MTA3: variants seen among roughly 807,000 people sequenced by gnomAD.
MTA3 encodes the protein metastasis-associated protein MTA3.
Under a neutral mutation model 83.5 loss-of-function variants are expected in MTA3, and 34 were observed. The observed-to-expected ratio is 0.41, with a 90% CI of 0.31 to 0.54. The LOEUF is 0.54. Ranked by LOEUF, MTA3 falls within the 20% of genes least tolerant of loss-of-function variation. The probability of loss-of-function intolerance (pLI) is 0.33; values close to 1 mark genes in which losing one functional copy is unlikely to be tolerated. For synonymous variants in MTA3, 303 were observed against 252.7 expected (o/e 1.20, Z -1.89); for missense variants, 761 against 726.4 (o/e 1.05, Z -0.55).
intron 6 of MTA3, among the ~76,000 whole-genome samples, chr2:42,649,837 A>G (rs916469802): frequency 6.6e-6 from 1 of 152,210 alleles, no homozygotes; most frequent in African/African-American, 2.4e-5. Flanking sequence ...ATTTATTTGA[A>G]GCTGTAAAAA....
intron 3 of MTA3, among the ~76,000 whole-genome samples, chr2:42,595,673 T>C (rs1681707822): frequency 6.6e-6 from 1 of 152,174 alleles, no homozygotes; most frequent in African/African-American, 2.4e-5. Context: ...CCTTGTCCTC[T>C]ACCTTCCCAT....
intron 3 of MTA3, among the ~76,000 whole-genome samples, chr2:42,579,428 T>TA (rs1558453781): frequency 1.6e-5 from 1 of 62,642 alleles, no homozygotes; most frequent in Non-Finnish European, 3.2e-5. Context: ...TATATATATA[T>TA]ATTTTTTTTT....
intron 3 of MTA3, among the ~76,000 whole-genome samples, chr2:42,596,022 A>G (rs1159754356): frequency 6.6e-6 from 1 of 152,218 alleles, no homozygotes; most frequent in African/African-American, 2.4e-5. Context: ...AGAAGGGAAA[A>G]TAAAAGAACA....
At chr2:42,688,188 C>G (rs574527756) in intron 9 of MTA3, among the ~76,000 whole-genome samples, 1 of 152,324 alleles carries the variant, frequency 6.6e-6, no homozygotes, top group South Asian at 2.1e-4. Flanking sequence ...CTCCTGGCTT[C>G]AGCCTTGCAC....
chr2:42,540,869 C>G (rs1005683042), intron 2 of MTA3, among the ~76,000 whole-genome samples: 6 of 151,800 alleles, frequency 4.0e-5, no homozygotes, highest in Non-Finnish European at 7.4e-5. Context: ...AAGTTTTTTC[C>G]CAAATTGATA....
chr2:42,543,063 G>A (rs1409777375), intron 2 of MTA3, among the ~76,000 whole-genome samples: 1 of 152,040 alleles, frequency 6.6e-6, no homozygotes, highest in African/African-American at 2.4e-5. Flanking sequence ...CAAATTCTTA[G>A]GACAGGGAGA....
intron 8 of MTA3, among the ~76,000 whole-genome samples, chr2:42,669,768 G>T (rs1462954425): frequency 6.6e-6 from 1 of 152,128 alleles, no homozygotes; most frequent in Non-Finnish European, 1.5e-5. Flanking sequence ...AAGCTTTAAT[G>T]AGATTTTTTC....
chr2:42,597,589 T>C (rs1681963976), intron 3 of MTA3, among the ~76,000 whole-genome samples: 1 of 151,796 alleles, frequency 6.6e-6, no homozygotes, highest in African/African-American at 2.4e-5. Context: ...TTTCACCATG[T>C]TGGCCAGGCT....
chr2:42,709,285 A>G (rs1666398264), intron 14 of MTA3, 189 bp downstream of exon 14: 3 of 1,420,314 alleles, frequency 2.1e-6, no homozygotes, highest in Non-Finnish European at 2.7e-6. Flanking sequence ...CCTGGAAAAA[A>G]AAAATCAAAA....
chr2:42,682,641 T>G, intron 9 of MTA3, 52 bp downstream of exon 9: 1 of 1,488,626 alleles, frequency 6.7e-7, no homozygotes, highest in East Asian at 2.4e-5. Flanking sequence ...AATATTCTGT[T>G]TTAGAAATCT....
intron 2 of MTA3, among the ~76,000 whole-genome samples, chr2:42,530,954 C>T (rs1425474619): frequency 6.6e-6 from 1 of 152,050 alleles, no homozygotes; most frequent in Non-Finnish European, 1.5e-5. Flanking sequence ...CTCAGCTCCC[C>T]GAGTATCTGG....
At chr2:42,496,101 C>T (rs1674117318) in intron 2 of MTA3, among the ~76,000 whole-genome samples, 1 of 152,166 alleles carries the variant, frequency 6.6e-6, no homozygotes, top group South Asian at 2.1e-4. Flanking sequence ...GGTTTATTTC[C>T]TGTGTTCTCT....
At chr2:42,552,661 A>G (rs909877591) in intron 2 of MTA3, among the ~76,000 whole-genome samples, 7 of 151,966 alleles carry the variant, frequency 4.6e-5, no homozygotes, top group African/African-American at 1.7e-4. Context: ...AGAAAAAGAA[A>G]AAAGAAAGGG....
chr2:42,564,786 AT>A (rs899993045), upstream of MTA3, among the ~76,000 whole-genome samples: 1 of 151,582 alleles, frequency 6.6e-6, no homozygotes, highest in Non-Finnish European at 1.5e-5. Context: ...CTTTTAATTT[AT>A]TTTTTTTGAG....
chr2:42,524,396 G>C (rs2103701091), intron 2 of MTA3, among the ~76,000 whole-genome samples: 1 of 150,666 alleles, frequency 6.6e-6, no homozygotes, highest in East Asian at 1.9e-4. Flanking sequence ...CGCCTCCTGG[G>C]TTCACGCCAT....
intron 3 of MTA3, among the ~76,000 whole-genome samples, chr2:42,586,557 A>AACACACACACACACACAC (rs68029790): frequency 5.6e-5 from 7 of 126,018 alleles, no homozygotes; most frequent in Admixed American, 1.6e-4. Flanking sequence ...AAGGAAGGAA[A>AACACACACACACACACAC]ACACACACAC....
At chr2:42,505,989 T>C (rs2103654891) in intron 2 of MTA3, among the ~76,000 whole-genome samples, 1 of 152,058 alleles carries the variant, frequency 6.6e-6, no homozygotes, top group African/African-American at 2.4e-5. Flanking sequence ...GGTCTCGAAC[T>C]CCTGACCTCA....
In MTA3 at chr2:42,722,949, C is replaced by T. The variant is rs777879551; in HGVS notation, c.1673C>T (p.Thr558Ile). ...IRSTPSLQTP[T>I]TKRMLTTPNH... Reference sequence around the variant, plus strand: ...TCTACACCAAGCCTGCAAACCCCAACTACCAAGCGGATGCTAACAACTCCA... The same window carrying T: ...TCTACACCAAGCCTGCAAACCCCAATTACCAAGCGGATGCTAACAACTCCA... The change falls in exon 16 of 17, where the codon ACT (threonine) becomes ATT (isoleucine). Residue 558 changes from threonine (T) to isoleucine (I), a missense_variant. Thr to Ile is a moderately conservative substitution (Grantham distance 89). Transcript: ENST00000405094. 17 of 1,551,238 alleles carry T rather than the reference C, an allele frequency of 1.1e-5. 1 individual carries two copies. The East Asian group carries it at 4.2e-4, about 38-fold the overall frequency.
At chr2:42,620,415 C>G (rs1029704353) in intron 4 of MTA3, among the ~76,000 whole-genome samples, 1 of 152,120 alleles carries the variant, frequency 6.6e-6, no homozygotes, top group African/African-American at 2.4e-5. Flanking sequence ...CTACCGTGCC[C>G]TGCCGACATC....
Sources: allele counts gnomAD v4.1 joint callset (sites outside exome capture counted in the v4.1 genomes callset), GRCh38; gene constraint gnomAD v4.1.1; transcripts MANE v1.5; gene names NCBI Gene and HGNC (gene_info 2026-07-23, HGNC 2026-07-21).